Variants in SNX25 observed in about 807,000 individuals in gnomAD.
The protein encoded by SNX25 is sorting nexin 25, also known as sorting nexin-25.
In SNX25, 62 loss-of-function variants were observed where a neutral mutation model predicts 113.7. The observed-to-expected ratio is 0.55, with a 90% confidence interval of 0.44 to 0.67. SNX25 has a LOEUF of 0.67. Among genes scored for constraint, SNX25 ranks in the 30% least tolerant of loss-of-function variants. The pLI is 0.00. For synonymous variants in SNX25, 421 were observed against 436.2 expected, an observed-to-expected ratio of 0.97 and a Z score of 0.43; for missense variants, 1,014 against 1,161.0, an observed-to-expected ratio of 0.87 and a Z score of 1.84.
intron 7 of SNX25, 63 bp from the exon 8 acceptor site, chr4:185,320,670 G>GT (rs765442146): frequency 5.7e-5 from 74 of 1,306,754 alleles, no homozygotes; most frequent in Non-Finnish European, 7.3e-5. Flanking sequence ...TCCATTGGAA[G>GT]TTAAAGCAAA....
chr4:185,282,713 G>T (rs138022599), intron 5 of SNX25, among the ~76,000 whole-genome samples: 108 of 152,334 alleles, frequency 7.1e-4, no homozygotes, highest in African/African-American at 2.6e-3. Context: ...GAAAGCAGCT[G>T]AATTCTTGTT....
chr4:185,326,261 C>T (rs540058595), intron 9 of SNX25, among the ~76,000 whole-genome samples: 1 of 152,166 alleles, frequency 6.6e-6, no homozygotes, highest in Non-Finnish European at 1.5e-5. Context: ...TAGTTCAGTT[C>T]GTGCAGTTAA....
intron 3 of SNX25, among the ~76,000 whole-genome samples, chr4:185,259,709 A>G (rs1747006067): frequency 6.6e-6 from 1 of 152,222 alleles, no homozygotes; most frequent in Non-Finnish European, 1.5e-5. Context: ...AACAATTTAC[A>G]TAAAAAGCTG....
intron 15 of SNX25, among the ~76,000 whole-genome samples, chr4:185,354,290 T>G (rs927106908): frequency 1.3e-5 from 2 of 152,144 alleles, no homozygotes; most frequent in African/African-American, 4.8e-5. Context: ...TAAAGGTGAG[T>G]GTTGGTGTTA....
chr4:185,222,449 CGCGGTAGGTA>C (rs1560902030), intron 1 of SNX25, among the ~76,000 whole-genome samples: 1 of 143,226 alleles, frequency 7.0e-6, no homozygotes, highest in African/African-American at 2.6e-5. Context: ...ACCCCTCCCT[CGCGGTAGGTA>C]TTCAGCACCC....
chr4:185,370,460 A>C (rs1214385624), downstream of SNX25, among the ~76,000 whole-genome samples: 2 of 152,190 alleles, frequency 1.3e-5, no homozygotes, highest in East Asian at 3.8e-4. Context: ...AAATTATGCT[A>C]ATAAGATTCT....
chr4:185,291,326 A>G (rs1752137043), intron 6 of SNX25, among the ~76,000 whole-genome samples: 1 of 152,118 alleles, frequency 6.6e-6, no homozygotes, highest in Non-Finnish European at 1.5e-5. Flanking sequence ...CATCTTCCCA[A>G]ACTGAAACTT....
chr4:185,248,493 A>G (rs1317775404), intron 2 of SNX25, among the ~76,000 whole-genome samples: 1 of 152,070 alleles, frequency 6.6e-6, no homozygotes, highest in Admixed American at 6.6e-5. Flanking sequence ...CTCTGCAAAA[A>G]ATACAAAAAT....
At chr4:185,327,428 TAC>T (rs2095164297) in intron 9 of SNX25, among the ~76,000 whole-genome samples, 1 of 152,232 alleles carries the variant, frequency 6.6e-6, no homozygotes, top group South Asian at 2.1e-4. Flanking sequence ...TTTCATGACT[TAC>T]ACAGACAATC....
chr4:185,209,009 A>T (rs1737340213), upstream of SNX25, among the ~76,000 whole-genome samples: 1 of 152,164 alleles, frequency 6.6e-6, no homozygotes, highest in Non-Finnish European at 1.5e-5. This position sits in a 1 kb window ranked among gnomAD's most constrained non-coding sequence, Gnocchi z 5.2. Context: ...AACAAAACAA[A>T]ACAAAACAAA....
In SNX25 at chr4:185,353,217, C is replaced by T. The variant is rs190400471; in HGVS notation, c.2467-268C>T. 37 of 274,864 alleles carry T rather than the reference C, an allele frequency of 1.3e-4. No individual in the cohort carries two copies. In the Admixed American group the frequency reaches 1.6e-3, roughly 12 times the overall value. The allele number at this position is 274,864 out of a possible 1,614,324, so 17.0% of individuals were successfully genotyped here. ...TTTGAAATTCAAAATGGTTAGAAAA[C>T]TATTTTATTGTCTATTAATTCACTG... On this transcript the variant is annotated intron_variant, in intron 14 of 18. Transcript: ENST00000652585.
chr4:185,378,166 C>T, the SNX25 span: 2 of 1,614,024 alleles, frequency 1.2e-6, no homozygotes, highest in African/African-American at 1.3e-5. Context: ...TCTTGGGCAA[C>T]TTTTCACTGG....
intron 9 of SNX25, among the ~76,000 whole-genome samples, chr4:185,329,988 A>G (rs886830966): frequency 6.6e-6 from 1 of 152,156 alleles, no homozygotes; most frequent in South Asian, 2.1e-4. Context: ...TCTATCCCCA[A>G]CACCCATCCT....
In SNX25 at chr4:185,266,838, A is replaced by G. The variant is rs1034843392; in HGVS notation, c.905-131A>G. On this transcript the variant is annotated intron_variant, in intron 4 of 18. Coordinates refer to ENST00000652585, the MANE Select transcript of SNX25 (RefSeq NM_001378034.2). ...TGTACATTTTTGAATTGTTTATTGT[A>G]TTATATAGATATTCCCCTGTTTGAC... is the stretch of plus-strand genomic sequence containing the variant. 1.9e-5 allele frequency: 15 copies of G among 773,236 alleles called. 1 individual carries two copies. Among genetic ancestry groups the G allele is most frequent in the Admixed American group, 3.2e-5 (1 of 31,558 alleles). 47.9% of individuals were successfully genotyped at this position (773,236 alleles called of 1,614,324 possible).
At chr4:185,346,252 C>T (rs1468783129) in intron 12 of SNX25, among the ~76,000 whole-genome samples, 1 of 152,244 alleles carries the variant, frequency 6.6e-6, no homozygotes, top group African/African-American at 2.4e-5. Flanking sequence ...TTCCATTTGT[C>T]ACATCATGTG....
chr4:185,342,151 A>G, intron 12 of SNX25, 35 bp downstream of exon 12: 2 of 1,496,772 alleles, frequency 1.3e-6, no homozygotes, highest in African/African-American at 1.4e-5. Context: ...TTCTAGAATT[A>G]CTGCACAAGA....
chr4:185,318,834 G>A (rs551735741), intron 7 of SNX25, among the ~76,000 whole-genome samples: 4 of 152,122 alleles, frequency 2.6e-5, no homozygotes, highest in Non-Finnish European at 4.4e-5. Context: ...CCTAATTCAC[G>A]ATGCCAAATG....
At chr4:185,322,678 A>G (rs1481792067) in intron 8 of SNX25, among the ~76,000 whole-genome samples, 1 of 152,230 alleles carries the variant, frequency 6.6e-6, no homozygotes, top group African/African-American at 2.4e-5. Context: ...TTGACTCCAC[A>G]TAACTTCTGG....
intron 5 of SNX25, among the ~76,000 whole-genome samples, chr4:185,271,682 G>A (rs1479967938): frequency 6.6e-6 from 1 of 152,252 alleles, no homozygotes; most frequent in Non-Finnish European, 1.5e-5. Context: ...TTTTGGGATA[G>A]GCTGCCTGAG....
Sources: gnomAD v4.1 joint callset for allele counts (sites outside exome capture counted in the v4.1 genomes callset) on GRCh38, gnomAD v4.1.1 for gene constraint, Gnocchi (gnomAD v3.1) non-coding constraint, MANE v1.5 for transcripts, NCBI Gene and HGNC (gene_info 2026-07-23, HGNC 2026-07-21) for gene names.